CTNNA3: variants seen among roughly 807,000 people sequenced by gnomAD.
CTNNA3 encodes the protein catenin alpha 3.
Under a neutral mutation model 95.7 loss-of-function variants are expected in CTNNA3, and 76 were observed. The ratio of observed to expected loss-of-function variants is 0.79; its 90% CI spans 0.66 to 0.96. CTNNA3 has a LOEUF of 0.96. Among genes scored for constraint, CTNNA3 ranks in the 40% least tolerant of loss-of-function variants. The probability of loss-of-function intolerance (pLI) is 0.00; values close to 1 mark genes in which losing one functional copy is unlikely to be tolerated. For synonymous variants in CTNNA3, 431 were observed against 374.4 expected, an observed-to-expected ratio of 1.15 and a Z score of -1.74; for missense variants, 1,191 against 1,089.8, an observed-to-expected ratio of 1.09 and a Z score of -1.31.
At chr10:66,409,601 G>C (rs965159716) in intron 11 of CTNNA3, among the ~76,000 whole-genome samples, 2 of 151,998 alleles carry the variant, frequency 1.3e-5, no homozygotes, top group Non-Finnish European at 2.9e-5. Flanking sequence ...AAATGCTTTG[G>C]GAAATCCAGA....
chr10:66,072,054 G>T (rs2133609087), intron 14 of CTNNA3, among the ~76,000 whole-genome samples: 1 of 152,314 alleles, frequency 6.6e-6, no homozygotes, highest in South Asian at 2.1e-4. Context: ...AACTGGCAGA[G>T]TTGTTACTCT....
At chr10:67,457,210 C>T (rs1055390155) in intron 5 of CTNNA3, among the ~76,000 whole-genome samples, 1 of 152,146 alleles carries the variant, frequency 6.6e-6, no homozygotes, top group African/African-American at 2.4e-5. Flanking sequence ...GTATGGACAG[C>T]AATCCCCAAA....
intron 13 of CTNNA3, among the ~76,000 whole-genome samples, chr10:66,193,936 C>G: frequency 6.6e-6 from 1 of 152,154 alleles, no homozygotes; most frequent in Non-Finnish European, 1.5e-5. Flanking sequence ...CCAAATAGCA[C>G]TTGGATAGTC....
chr10:67,194,733 T>C (rs1292252978), intron 6 of CTNNA3, among the ~76,000 whole-genome samples: 1 of 151,848 alleles, frequency 6.6e-6, no homozygotes, highest in African/African-American at 2.4e-5. Flanking sequence ...TAACAACGTG[T>C]CAGTTTAGTT....
Position 67,063,498 on chromosome 10 carries a change from G to A in CTNNA3, c.1047+116819C>T, listed in dbSNP as rs145420893. ...GTCAAGAGTTCACTCCAGCTGGCAC[G>A]AACAGGCAGGTAATAGAGGACCTAC... On this transcript the variant is annotated intron_variant, in intron 7 of 17. Coordinates refer to ENST00000433211, the MANE Select transcript of CTNNA3 (RefSeq NM_013266.4). Among the ~76,000 whole-genome samples the A allele has an allele frequency of 7.5e-3, 1,136 of 152,306 alleles. 15 individuals are homozygous for A. Among genetic ancestry groups the A allele is most frequent in the African/African-American group, 0.021 (858 of 41,552 alleles).
intron 11 of CTNNA3, among the ~76,000 whole-genome samples, chr10:66,444,115 G>C (rs187917401): frequency 1.7e-3 from 256 of 152,270 alleles, no homozygotes; most frequent in African/African-American, 6.0e-3. Flanking sequence ...CAGAAGGGAA[G>C]TTTAGAGAAA....
chr10:66,026,516 A>G (rs2133443407), intron 15 of CTNNA3, among the ~76,000 whole-genome samples: 1 of 152,308 alleles, frequency 6.6e-6, no homozygotes, highest in South Asian at 2.1e-4. Flanking sequence ...GCAGAACAAC[A>G]AGGGCCAAAA....
intron 5 of CTNNA3, among the ~76,000 whole-genome samples, chr10:67,438,986 A>G (rs189147822): frequency 6.6e-6 from 1 of 152,138 alleles, no homozygotes; most frequent in Non-Finnish European, 1.5e-5. Context: ...GCAGTCTATG[A>G]CACAAGGACT....
intron 5 of CTNNA3, among the ~76,000 whole-genome samples, chr10:67,399,290 C>T (rs558036380): frequency 9.9e-5 from 15 of 152,266 alleles, no homozygotes; most frequent in Admixed American, 4.6e-4. Flanking sequence ...GTTAGAGTGA[C>T]AGACAAGTAC....
intron 5 of CTNNA3, among the ~76,000 whole-genome samples, chr10:67,393,816 A>G (rs947158189): frequency 1.3e-5 from 2 of 151,950 alleles, no homozygotes; most frequent in Admixed American, 6.6e-5. Context: ...ACTAAAAAAT[A>G]AAAAGATATA....
At chr10:66,318,087 C>A (rs1315260979) in intron 12 of CTNNA3, among the ~76,000 whole-genome samples, 1 of 151,898 alleles carries the variant, frequency 6.6e-6, no homozygotes, top group Non-Finnish European at 1.5e-5. Context: ...CTTGTACAGG[C>A]TCTTATTTAT....
At chr10:67,763,141 T>C (rs1841471381) in intron 1 of CTNNA3, among the ~76,000 whole-genome samples, 2 of 152,108 alleles carry the variant, frequency 1.3e-5, no homozygotes, top group Non-Finnish European at 2.9e-5. Context: ...TCTTGGACAA[T>C]ATCTATTGGA....
intron 9 of CTNNA3, among the ~76,000 whole-genome samples, chr10:66,763,086 T>C (rs904603343): frequency 6.6e-6 from 1 of 151,956 alleles, no homozygotes; most frequent in African/African-American, 2.4e-5. Context: ...AGCAAGGAAG[T>C]AGGGGATTGG....
intron 5 of CTNNA3, among the ~76,000 whole-genome samples, chr10:67,403,564 C>T (rs1845008599): frequency 6.6e-6 from 1 of 152,186 alleles, no homozygotes; most frequent in African/African-American, 2.4e-5. Flanking sequence ...TAATTTCTCC[C>T]TGTGATGGAG....
chr10:67,573,730 C>A (rs1306943620), intron 3 of CTNNA3, among the ~76,000 whole-genome samples: 1 of 151,590 alleles, frequency 6.6e-6, no homozygotes, highest in African/African-American at 2.4e-5. Flanking sequence ...CCCTTCCTCC[C>A]TCCTTCCCTC....
At chr10:67,313,914 A>G (rs1010102067) in intron 5 of CTNNA3, among the ~76,000 whole-genome samples, 1 of 152,204 alleles carries the variant, frequency 6.6e-6, no homozygotes, top group African/African-American at 2.4e-5. Context: ...ACTTGGATAC[A>G]AGGATGCCAA....
At chr10:67,032,957 C>T (rs1853826094) in intron 7 of CTNNA3, among the ~76,000 whole-genome samples, 1 of 152,102 alleles carries the variant, frequency 6.6e-6, no homozygotes, top group South Asian at 2.1e-4. Context: ...TTCAGAATGG[C>T]TGGCTTTTGA....
At chr10:66,484,662 G>T (rs1839664004) in intron 11 of CTNNA3, among the ~76,000 whole-genome samples, 2 of 151,900 alleles carry the variant, frequency 1.3e-5, no homozygotes, top group Admixed American at 1.3e-4. Flanking sequence ...ATGATGAACT[G>T]CAACTCCTTT....
At chr10:66,391,882 A>G (rs2092936159) in intron 11 of CTNNA3, among the ~76,000 whole-genome samples, 1 of 151,872 alleles carries the variant, frequency 6.6e-6, no homozygotes, top group Admixed American at 6.6e-5. Context: ...GAAGCTACTG[A>G]TTTTTCAATT....
Sources: gnomAD v4.1 joint callset for allele counts (sites outside exome capture counted in the v4.1 genomes callset) on GRCh38, gnomAD v4.1.1 for gene constraint, MANE v1.5 for transcripts, NCBI Gene and HGNC (gene_info 2026-07-23, HGNC 2026-07-21) for gene names.